CDK19: variants seen among roughly 807,000 people sequenced by gnomAD.
CDK19 encodes cyclin-dependent kinase 19.
Under a neutral mutation model 68.3 loss-of-function variants are expected in CDK19, and 20 were observed. That is an observed-to-expected ratio of 0.29 (90% CI 0.21 to 0.43). CDK19 has a LOEUF of 0.43. CDK19 is among the 20% of genes least tolerant of loss of function. CDK19 has a pLI of 1.00. For synonymous variants in CDK19, 221 were observed against 222.8 expected (o/e 0.99, Z 0.07); for missense variants, 339 against 623.5 (o/e 0.54, Z 4.86).
In CDK19 at chr6:110,735,212, G is replaced by A. The variant is rs368137326; in HGVS notation, c.204+10914C>T. 9.9e-5 allele frequency among the ~76,000 whole-genome samples: 15 copies of A among 151,494 alleles called. No homozygotes were observed. In the South Asian group the frequency reaches 1.2e-3, roughly 13 times the overall value. On this transcript the variant is annotated intron_variant, in intron 2 of 12. Coordinates refer to ENST00000368911, the MANE Select transcript of CDK19 (RefSeq NM_015076.5). ...TCCTCTTGCCTCAGCCTCCCAAAGTGCTGGGTTTACAGGCATCAGCCACCA... is the reference window on the plus strand; with the variant it reads ...TCCTCTTGCCTCAGCCTCCCAAAGTACTGGGTTTACAGGCATCAGCCACCA...
chr6:110,631,097 T>C (rs1439632402), intron 6 of CDK19, among the ~76,000 whole-genome samples: 1 of 152,244 alleles, frequency 6.6e-6, no homozygotes, highest in Non-Finnish European at 1.5e-5. Context: ...CTATTTTTAA[T>C]AATTTTATAC....
chr6:110,711,676 G>T (rs1242419697), intron 2 of CDK19, among the ~76,000 whole-genome samples: 1 of 151,716 alleles, frequency 6.6e-6, no homozygotes, highest in African/African-American at 2.4e-5. Flanking sequence ...ATAGTAAATA[G>T]ATTACAATGG....
intron 4 of CDK19, among the ~76,000 whole-genome samples, chr6:110,663,264 A>G (rs1781725083): frequency 6.6e-6 from 1 of 152,214 alleles, no homozygotes; most frequent in Non-Finnish European, 1.5e-5. Flanking sequence ...AAAACTAGTC[A>G]CTGACTACAA....
At position 110,632,506 on chromosome 6, in the gene CDK19, G is replaced by A. The variant is rs146490707; in HGVS notation, c.515-345C>T. Reference sequence around the variant, plus strand: ...AGCACTCTGGGAGGCCGAGGTGGGCGGATCACCTAATGTCAAGAGTTAGAG... The same window carrying A: ...AGCACTCTGGGAGGCCGAGGTGGGCAGATCACCTAATGTCAAGAGTTAGAG... On this transcript the variant is annotated intron_variant, in intron 5 of 12. Coordinates refer to ENST00000368911, the MANE Select transcript of CDK19 (RefSeq NM_015076.5). Among the ~76,000 whole-genome samples the A allele has an allele frequency of 2.7e-4, 41 of 152,266 alleles. No individual in the cohort carries two copies. In the East Asian group the frequency reaches 6.8e-3, roughly 25 times the overall value.
At chr6:110,800,836 C>A (rs914268599) in intron 1 of CDK19, among the ~76,000 whole-genome samples, 8 of 152,064 alleles carry the variant, frequency 5.3e-5, no homozygotes, top group Non-Finnish European at 4.4e-5. Context: ...AAAGCCACAG[C>A]CAACATCATA....
intron 4 of CDK19, among the ~76,000 whole-genome samples, chr6:110,659,281 A>C (rs1781479985): frequency 1.3e-5 from 2 of 152,258 alleles, no homozygotes; most frequent in Admixed American, 1.3e-4. Context: ...ATTTTTAATC[A>C]AATGTTCAGA....
intron 3 of CDK19, among the ~76,000 whole-genome samples, chr6:110,669,238 GTTTC>G (rs547242072): frequency 6.6e-6 from 1 of 152,198 alleles, no homozygotes. Flanking sequence ...CACTCTGAAA[GTTTC>G]TTTAAGACCT....
At chr6:110,718,091 C>T (rs1033726435) in intron 2 of CDK19, among the ~76,000 whole-genome samples, 1 of 152,184 alleles carries the variant, frequency 6.6e-6, no homozygotes, top group Non-Finnish European at 1.5e-5. Flanking sequence ...CCTCACCAGA[C>T]ACCCAATCTG....
chr6:110,772,362 T>C (rs1388805773), intron 1 of CDK19, among the ~76,000 whole-genome samples: 17 of 152,016 alleles, frequency 1.1e-4, no homozygotes, highest in Admixed American at 1.0e-3. Flanking sequence ...ATGAGAGCAG[T>C]AGGGGGGAAA....
chr6:110,654,429 T>C (rs2114293740), intron 4 of CDK19, among the ~76,000 whole-genome samples: 1 of 152,340 alleles, frequency 6.6e-6, no homozygotes, highest in East Asian at 1.9e-4. Context: ...ATATGGAGAA[T>C]CTGATCATTG....
At chr6:110,645,284 T>C (rs1275496991) in intron 4 of CDK19, among the ~76,000 whole-genome samples, 3 of 152,306 alleles carry the variant, frequency 2.0e-5, no homozygotes, top group Non-Finnish European at 4.4e-5. Flanking sequence ...AAACTCTACA[T>C]ATTTGAAAAT....
intron 1 of CDK19, among the ~76,000 whole-genome samples, chr6:110,778,146 T>A (rs1017829940): frequency 6.6e-6 from 1 of 152,196 alleles, no homozygotes; most frequent in Non-Finnish European, 1.5e-5. Flanking sequence ...TCTTGTTATG[T>A]TTATCACAAT....
chr6:110,812,812 T>TAAAAAAAAAAAAA (rs66478846), intron 1 of CDK19, among the ~76,000 whole-genome samples: 1 of 101,618 alleles, frequency 9.8e-6, no homozygotes, highest in Non-Finnish European at 2.2e-5. Flanking sequence ...TTTAAAACAG[T>TAAAAAAAAAAAAA]AAAAAAAAAA....
chr6:110,673,551 C>G (rs1183394698), intron 2 of CDK19, among the ~76,000 whole-genome samples: 1 of 149,896 alleles, frequency 6.7e-6, no homozygotes, highest in East Asian at 1.9e-4. Context: ...AAAAAAAAAA[C>G]TTTTTTTGTA....
At chr6:110,656,907 A>G (rs1049293693) in intron 4 of CDK19, among the ~76,000 whole-genome samples, 3 of 152,262 alleles carry the variant, frequency 2.0e-5, no homozygotes, top group Admixed American at 6.5e-5. Context: ...GGTAGGAATA[A>G]TGCTACAAAG....
intron 1 of CDK19, among the ~76,000 whole-genome samples, chr6:110,810,757 A>C (rs1361005965): frequency 1.3e-5 from 2 of 151,820 alleles, no homozygotes; most frequent in Non-Finnish European, 2.9e-5. Flanking sequence ...CTGGGCAACA[A>C]GAGCAAACTC....
intron 1 of CDK19, among the ~76,000 whole-genome samples, chr6:110,756,567 A>T (rs1778853261): frequency 6.6e-6 from 1 of 152,030 alleles, no homozygotes. Context: ...AAAAAAAAAA[A>T]ATTATCTACT....
chr6:110,629,154 C>T (rs1161838020), intron 6 of CDK19, among the ~76,000 whole-genome samples: 1 of 152,180 alleles, frequency 6.6e-6, no homozygotes, highest in African/African-American at 2.4e-5. Context: ...GTCCTCCATT[C>T]AAAGGACAAG....
At chr6:110,671,617 G>A (rs565957370) in intron 2 of CDK19, among the ~76,000 whole-genome samples, 1 of 152,312 alleles carries the variant, frequency 6.6e-6, no homozygotes, top group South Asian at 2.1e-4. Flanking sequence ...AGAAAGAGAA[G>A]GGGTTTGGAC....
Sources: allele counts gnomAD v4.1 joint callset (sites outside exome capture counted in the v4.1 genomes callset), GRCh38; gene constraint gnomAD v4.1.1; transcripts MANE v1.5; gene names NCBI Gene and HGNC (gene_info 2026-07-23, HGNC 2026-07-21).